The following FANCA variants were observed in gnomAD, a reference collection of about 807,000 sequenced individuals.
FANCA encodes FA complementation group A.
In FANCA, 236 loss-of-function variants were observed where a neutral mutation model predicts 194.3. The observed-to-expected ratio is 1.21, with a 90% CI of 1.09 to 1.35. The LOEUF is 1.35. Ranked by LOEUF, FANCA falls within the 40% of genes most tolerant of loss-of-function variation. FANCA has a pLI of 0.00. For missense variants in FANCA, 2,628 were observed against 1,813.9 expected, an observed-to-expected ratio of 1.45 and a Z score of -8.15; for synonymous variants, 1,014 against 715.8, an observed-to-expected ratio of 1.42 and a Z score of -6.65.
intron 31 of FANCA, among the ~76,000 whole-genome samples, chr16:89,751,723 G>C (rs1057211029): frequency 1.3e-5 from 2 of 151,910 alleles, no homozygotes; most frequent in Non-Finnish European, 2.9e-5. Context: ...CACCAGCCTC[G>C]GACTCCCAAA....
chr16:89,798,887 G>C, intron 10 of FANCA: 2 of 1,578,256 alleles, frequency 1.3e-6, no homozygotes, highest in Admixed American at 1.7e-5. Flanking sequence ...GGAGGTCACA[G>C]TGAGTGGGAC....
At chr16:89,744,555 T>G in intron 36 of FANCA, 1 of 328,920 alleles carries the variant, frequency 3.0e-6, no homozygotes, top group South Asian at 2.5e-5. Context: ...GGAGCCCACA[T>G]TAGATTTAAG....
intron 42 of FANCA, 36 bp downstream of exon 42, chr16:89,738,846 C>G (rs757777876): frequency 2.5e-6 from 4 of 1,614,192 alleles, no homozygotes; most frequent in Non-Finnish European, 3.4e-6. Flanking sequence ...ATTCTCATGT[C>G]CCCCACATGG....
At chr16:89,808,186 A>G (rs572533512) in intron 6 of FANCA, 108 bp downstream of exon 6, 5 of 1,016,212 alleles carry the variant, frequency 4.9e-6, no homozygotes, top group South Asian at 2.5e-5. Context: ...AGTACAAATT[A>G]TATGTCAAAG....
At position 89,737,748 on chromosome 16, in the gene FANCA, G is replaced by A. The variant is rs976046168; in HGVS notation, c.*853C>T. 14 of 1,606,710 alleles carry A rather than the reference G, an allele frequency of 8.7e-6. No homozygotes were observed. The highest frequency in any genetic ancestry group is 2.2e-5 in the South Asian group (2 of 90,600). On this transcript the variant is annotated 3_prime_UTR_variant, in exon 43 of 43. Transcript: ENST00000389301. ...GTGATGGTTTCACATTGTCATCGTC[G>A]TCCCCCCGGGAGGTTGGAGCATCAG...
chr16:89,741,046 C>A, intron 37 of FANCA, 180 bp from the exon 38 acceptor site: 1 of 645,266 alleles, frequency 1.5e-6, no homozygotes. Context: ...GAATTAATTA[C>A]TACTGGCTGG....
Position 89,739,186 on chromosome 16 carries a change from C to T in FANCA, c.4114G>A (p.Asp1372Asn), listed in dbSNP as rs1302438780. The T allele has an allele frequency of 3.7e-6, 6 of 1,614,060 alleles. No homozygotes were observed. Among genetic ancestry groups the T allele is most frequent in the Non-Finnish European group, 5.1e-6 (6 of 1,180,060 alleles). ...LKLVQLFVAG[D>N]TSTVSPPAGR... is the part of the protein sequence containing the mutation. ...GCTGGAGGTGAAACTGTGCTTGTAT[C>T]CCCAGCCACGAAGAGCTGGACCAGC... The change falls in exon 41 of 43, where the codon GAT becomes AAT. Residue 1372 changes from aspartate to asparagine, a missense_variant. By Grantham distance (23) the Asp-to-Asn change is conservative. Transcript: ENST00000389301.
intron 14 of FANCA, among the ~76,000 whole-genome samples, chr16:89,785,400 C>T (rs559680748): frequency 6.2e-4 from 95 of 152,258 alleles, no homozygotes; most frequent in Middle Eastern, 3.4e-3. Flanking sequence ...TGGGATGAAG[C>T]CACTTCTGAA....
intron 29 of FANCA, among the ~76,000 whole-genome samples, chr16:89,761,635 T>A (rs78904586): frequency 0.096 from 14,612 of 152,076 alleles, 900 homozygotes; most frequent in Non-Finnish European, 0.14. Flanking sequence ...GAAGCTCCTT[T>A]TTCTTTTGAG....
intron 31 of FANCA, among the ~76,000 whole-genome samples, chr16:89,751,927 C>A (rs748686832): frequency 2.6e-5 from 4 of 151,990 alleles, no homozygotes; most frequent in Admixed American, 6.6e-5. Flanking sequence ...CCCGCCACCA[C>A]GCCCGGCTAA....
rs17226449 is a variant in FANCA, at chr16:89,775,672, AAC to A, written c.1900+68_1900+69del. 1.5e-5 allele frequency: 19 copies of A among 1,310,160 alleles called. No individual in the cohort carries two copies. The African/African-American group carries it at 2.3e-4, about 16-fold the overall frequency. 81.2% of individuals were successfully genotyped at this position (1,310,160 alleles called of 1,614,324 possible). On this transcript the variant is annotated intron_variant, in intron 21 of 42. Coordinates refer to ENST00000389301, the MANE Select transcript of FANCA (RefSeq NM_000135.4). The stretch of plus-strand genomic sequence containing the variant: ...CGAGCTCACTCGGGTGGTGTAGCAC[AAC>A]AGACACTCAAGGTTAGGAAAATGGA...
intron 5 of FANCA, among the ~76,000 whole-genome samples, chr16:89,809,707 G>T (rs1466543831): frequency 2.0e-5 from 3 of 152,030 alleles, no homozygotes; most frequent in African/African-American, 7.2e-5. Context: ...AAAAAAATTA[G>T]CCAGGCATGG....
At chr16:89,740,223 GAC>G (rs1446453784) in intron 38 of FANCA, 124 bp from the exon 39 acceptor site, 1 of 856,526 alleles carries the variant, frequency 1.2e-6, no homozygotes, top group Non-Finnish European at 2.0e-6. Context: ...TAAAACTGGT[GAC>G]AGTTTTACCT....
Position 89,815,969 on chromosome 16 carries a change from C to A in FANCA, c.97G>T (p.Glu33Ter). ...AELLAGRVKR[E>*]KYNPERAQKL... ...TGTGCCCTTTCAGGATTATATTTTTCCCTCTTGACCCTTCCCGCTACGGAG... is the reference window on the plus strand; with the variant it reads ...TGTGCCCTTTCAGGATTATATTTTTACCTCTTGACCCTTCCCGCTACGGAG... The change falls in exon 2 of 43, where the codon GAA becomes TAA. Residue 33 changes from glutamate (E) to a stop codon, truncating the protein, a stop_gained. Coordinates refer to ENST00000389301, the MANE Select transcript of FANCA (RefSeq NM_000135.4). LOFTEE classifies it high-confidence loss of function. 4 of 1,613,682 alleles carry A rather than the reference C, an allele frequency of 2.5e-6. No individual in the cohort carries two copies. The highest frequency in any genetic ancestry group is 1.7e-6 in the Non-Finnish European group (2 of 1,179,582).
intron 20 of FANCA, among the ~76,000 whole-genome samples, chr16:89,777,536 C>A (rs1416367313): frequency 1.3e-5 from 2 of 148,572 alleles, no homozygotes; most frequent in South Asian, 2.2e-4. Flanking sequence ...CCAGTCTGGC[C>A]AACATAGTGA....
chr16:89,764,239 A>G (rs1357463337), intron 28 of FANCA, among the ~76,000 whole-genome samples: 1 of 152,240 alleles, frequency 6.6e-6, no homozygotes, highest in Non-Finnish European at 1.5e-5. Flanking sequence ...AAAATATATC[A>G]GTAAAAATAA....
chr16:89,749,541 A>C (rs780996038), intron 32 of FANCA, among the ~76,000 whole-genome samples, 189 bp downstream of exon 32: 13 of 152,224 alleles, frequency 8.5e-5, no homozygotes, highest in Non-Finnish European at 1.6e-4. Context: ...GGTTTTAATC[A>C]AAAGTACTTT....
At chr16:89,799,267 AGC>A in intron 9 of FANCA, 35 bp from the exon 10 acceptor site, 3 of 1,612,684 alleles carry the variant, frequency 1.9e-6, no homozygotes, top group Non-Finnish European at 2.5e-6. Flanking sequence ...AACAGATGTC[AGC>A]ACACGGCGGC....
At chr16:89,740,639 A>AC in intron 38 of FANCA, 165 bp downstream of exon 38, 2 of 505,256 alleles carry the variant, frequency 4.0e-6, no homozygotes, top group African/African-American at 2.0e-5. Context: ...CCCATCTCAA[A>AC]AAAAAAAAAA....
Sources: allele counts gnomAD v4.1 joint callset (sites outside exome capture counted in the v4.1 genomes callset), GRCh38; gene constraint gnomAD v4.1.1; transcripts MANE v1.5; gene names NCBI Gene and HGNC (gene_info 2026-07-23, HGNC 2026-07-21).